The following PCDHGA2 variants were observed in gnomAD, a reference collection of about 807,000 sequenced individuals.
The protein encoded by PCDHGA2 is protocadherin gamma subfamily A, 2.
Under a neutral mutation model 59.2 loss-of-function variants are expected in PCDHGA2, and 40 were observed. The ratio of observed to expected loss-of-function variants is 0.68; its 90% CI spans 0.52 to 0.88. The LOEUF (loss-of-function observed/expected upper bound fraction) is 0.88, where lower values mean the gene tolerates loss of function less well. PCDHGA2 is among the 40% of genes least tolerant of loss of function. The pLI, the probability that PCDHGA2 is intolerant of heterozygous loss-of-function variation, is 0.00. For synonymous variants in PCDHGA2, 560 were observed against 526.0 expected (o/e 1.06, Z -0.89); for missense variants, 1,226 against 1,204.0 (o/e 1.02, Z -0.27).
intron 1 of PCDHGA2, chr5:141,371,114 A>G: frequency 6.2e-7 from 1 of 1,613,878 alleles, no homozygotes; most frequent in Non-Finnish European, 8.5e-7. Flanking sequence ...ATAACCCCCC[A>G]GTATTTACTC....
At chr5:141,398,878 C>T in intron 1 of PCDHGA2, 2 of 1,613,968 alleles carry the variant, frequency 1.2e-6, no homozygotes, top group Non-Finnish European at 1.7e-6. Context: ...CAGAGTCAGC[C>T]TTCGGGAAAA....
intron 1 of PCDHGA2, chr5:141,428,078 C>A (rs747287202): frequency 1.2e-6 from 2 of 1,609,216 alleles, no homozygotes; most frequent in Admixed American, 3.3e-5. Flanking sequence ...ATTCGGGACA[C>A]AACGCTTGGC....
chr5:141,488,748 T>C (rs2099679003), intron 1 of PCDHGA2, among the ~76,000 whole-genome samples: 1 of 152,270 alleles, frequency 6.6e-6, no homozygotes, highest in African/African-American at 2.4e-5. Flanking sequence ...ATGCAGGAAG[T>C]TGCTGGGACA....
intron 1 of PCDHGA2, among the ~76,000 whole-genome samples, chr5:141,450,976 C>T (rs2098702750): frequency 6.6e-6 from 1 of 152,032 alleles, no homozygotes; most frequent in Admixed American, 6.6e-5. Flanking sequence ...AGGCATGTGC[C>T]ACCACACCCG....
At chr5:141,503,010 A>AT (rs199924715) in intron 2 of PCDHGA2, among the ~76,000 whole-genome samples, 26,593 of 146,658 alleles carry the variant, frequency 0.18, 2,532 homozygotes, top group Admixed American at 0.29. Context: ...TGCCCGGTTA[A>AT]TTTTTTTTTT....
intron 1 of PCDHGA2, among the ~76,000 whole-genome samples, chr5:141,462,825 C>T (rs1040054698): frequency 4.6e-5 from 7 of 152,124 alleles, no homozygotes; most frequent in Admixed American, 3.9e-4. Context: ...GGACAGCAGA[C>T]ATTGTAAATG....
chr5:141,355,895 T>C (rs1760035586), intron 1 of PCDHGA2: 1 of 1,613,662 alleles, frequency 6.2e-7, no homozygotes. Flanking sequence ...CTCATAATAC[T>C]TGTGGATACC....
Position 141,341,032 on chromosome 5 carries a change from G to C in PCDHGA2, c.2061G>C (p.Ser687=), listed in dbSNP as rs142977117. The C allele has an allele frequency of 9.0e-4, 1,447 of 1,614,112 alleles. 11 individuals are homozygous for C. In the African/African-American group the frequency reaches 0.016, roughly 18 times the overall value. The change falls in exon 1 of 4, where the codon TCG becomes TCC. Residue 687 remains serine (S), a synonymous_variant. Coordinates refer to ENST00000394576, the MANE Select transcript of PCDHGA2 (RefSeq NM_018915.4). ...AGCCCTCCGCCATACCCAACGATTC[G>C]GACCTCACTCTGTACCTGGTGGTGG... The part of the protein sequence containing the change: ...SLEPSAIPND[S]DLTLYLVVAV...
Position 141,491,963 on chromosome 5 carries a change from C to A in PCDHGA2, c.2425-2844C>A. ...CCCCCACCCCTACACTCAAAAAAGG[C>A]CGGGGCCTCCTTCGAGCTTCCGGTG... On this transcript the variant is annotated intron_variant, in intron 1 of 3. Coordinates refer to ENST00000394576, the MANE Select transcript of PCDHGA2 (RefSeq NM_018915.4). This position sits in a 1 kb window ranked among gnomAD's most constrained non-coding sequence, Gnocchi z 6.9. 2 of 944,828 alleles carry A rather than the reference C, an allele frequency of 2.1e-6. No homozygotes were observed. Among genetic ancestry groups the A allele is most frequent in the Non-Finnish European group, 3.0e-6 (2 of 670,874 alleles). 58.5% of individuals were successfully genotyped at this position (944,828 alleles called of 1,614,324 possible).
chr5:141,343,131 T>C (rs1159456093), intron 1 of PCDHGA2: 1 of 212,694 alleles, frequency 4.7e-6, no homozygotes, highest in Non-Finnish European at 8.1e-6. Flanking sequence ...TATATCCTTA[T>C]AATCTCTGTG....
At chr5:141,415,729 T>A in intron 1 of PCDHGA2, 1 of 1,442,780 alleles carries the variant, frequency 6.9e-7, no homozygotes, top group Non-Finnish European at 9.1e-7. Flanking sequence ...TAGAATTTGA[T>A]GTTTATTAAG....
chr5:141,426,722 T>G (rs1022367359), intron 1 of PCDHGA2: 1 of 447,734 alleles, frequency 2.2e-6, no homozygotes, highest in Non-Finnish European at 4.6e-6. Context: ...AACTAGCAAT[T>G]CCAGGCATTC....
chr5:141,388,985 C>T, intron 1 of PCDHGA2: 1 of 1,613,958 alleles, frequency 6.2e-7, no homozygotes, highest in South Asian at 1.1e-5. Flanking sequence ...TTGCTTTGCT[C>T]AAAGTCCGTG....
At chr5:141,497,839 A>G (rs1399696596) in intron 2 of PCDHGA2, among the ~76,000 whole-genome samples, 1 of 152,044 alleles carries the variant, frequency 6.6e-6, no homozygotes, top group East Asian at 1.9e-4. Flanking sequence ...CCCGGCCACA[A>G]CAAACATTTT....
chr5:141,460,278 G>C (rs1380767218), intron 1 of PCDHGA2, among the ~76,000 whole-genome samples: 1 of 151,964 alleles, frequency 6.6e-6, no homozygotes, highest in African/African-American at 2.4e-5. Context: ...TTCTTTTATA[G>C]TTTGTATTTC....
chr5:141,362,171 G>C lies in PCDHGA2; in HGVS notation c.2424+20776G>C, dbSNP rs62378417. 152,882 of 1,613,796 alleles carry C rather than the reference G, an allele frequency of 0.095. 8,932 individuals are homozygous for C. The highest frequency in any genetic ancestry group is 0.29 in the African/African-American group (21,432 of 74,954). On this transcript the variant is annotated intron_variant, in intron 1 of 3. Coordinates refer to ENST00000394576, the MANE Select transcript of PCDHGA2 (RefSeq NM_018915.4). ...GTATTGCCAGACCTCAGCGACCGCC[G>C]GGAGCCCTCTGACCCCCAGGCAAAA... is the stretch of plus-strand genomic sequence containing the variant.
chr5:141,476,564 C>G lies in PCDHGA2; in HGVS notation c.2425-18243C>G, dbSNP rs2099393821. 1.2e-6 allele frequency: 2 copies of G among 1,614,196 alleles called. No individual in the cohort carries two copies. Among genetic ancestry groups the G allele is most frequent in the South Asian group, 1.1e-5 (1 of 91,086 alleles). ...ATTGGAGATTAGCGAGGCCGTGGCT[C>G]CGGGGACGCGCTTTCCGCTCGAGAG... On this transcript the variant is annotated intron_variant, in intron 1 of 3. Coordinates refer to ENST00000394576, the MANE Select transcript of PCDHGA2 (RefSeq NM_018915.4). This position sits in a 1 kb window ranked among gnomAD's most constrained non-coding sequence, Gnocchi z 7.6.
At chr5:141,366,341 A>G in intron 1 of PCDHGA2, 1 of 1,613,914 alleles carries the variant, frequency 6.2e-7, no homozygotes, top group South Asian at 1.1e-5. Flanking sequence ...GATCCCTGAC[A>G]TCCTGGCTGA....
At chr5:141,373,722 C>T (rs1260568332) in intron 1 of PCDHGA2, among the ~76,000 whole-genome samples, 1 of 152,202 alleles carries the variant, frequency 6.6e-6, no homozygotes, top group Non-Finnish European at 1.5e-5. Flanking sequence ...CTCTTACACT[C>T]TTCTAAATGC....
Sources: allele counts gnomAD v4.1 joint callset (sites outside exome capture counted in the v4.1 genomes callset), GRCh38; gene constraint gnomAD v4.1.1; non-coding constraint Gnocchi (gnomAD v3.1); transcripts MANE v1.5; gene names NCBI Gene and HGNC (gene_info 2026-07-23, HGNC 2026-07-21).